PPP2R2B: variants seen among roughly 807,000 people sequenced by gnomAD.
The protein encoded by PPP2R2B is protein phosphatase 2 regulatory subunit Bbeta.
PPP2R2B carries 5 observed loss-of-function variants against 46.0 expected under a neutral mutation model. The observed-to-expected ratio is 0.11, with a 90% CI of 0.06 to 0.23. PPP2R2B has a LOEUF of 0.23. Among genes scored for constraint, PPP2R2B ranks in the 10% least tolerant of loss-of-function variants. The pLI, the probability that PPP2R2B is intolerant of heterozygous loss-of-function variation, is 1.00. For synonymous variants in PPP2R2B, 215 were observed against 206.7 expected (o/e 1.04, Z -0.34); for missense variants, 367 against 575.0 (o/e 0.64, Z 3.70).
intron 1 of PPP2R2B, among the ~76,000 whole-genome samples, chr5:146,988,792 C>CA (rs1295267517): frequency 1.3e-5 from 2 of 151,272 alleles, no homozygotes; most frequent in Non-Finnish European, 3.0e-5. Context: ...GAAATAGAGA[C>CA]AAAAAATTTA....
intron 2 of PPP2R2B, among the ~76,000 whole-genome samples, chr5:146,835,322 A>G (rs1759215063): frequency 1.3e-5 from 2 of 152,178 alleles, no homozygotes; most frequent in Admixed American, 1.3e-4. Flanking sequence ...ACATACTGAA[A>G]TTATGAAATA....
chr5:146,977,250 T>TG (rs1444351178), intron 1 of PPP2R2B, among the ~76,000 whole-genome samples: 10 of 152,096 alleles, frequency 6.6e-5, no homozygotes, highest in Non-Finnish European at 1.5e-4. Context: ...TTTTTAGAAT[T>TG]GCGATCTTGT....
chr5:146,824,678 T>C (rs1027929797), intron 2 of PPP2R2B, among the ~76,000 whole-genome samples: 2 of 152,080 alleles, frequency 1.3e-5, no homozygotes, highest in Admixed American at 1.3e-4. Flanking sequence ...ATGAAAACTC[T>C]TCATAATAAT....
At chr5:146,808,697 AGG>A (rs1554139495) in intron 2 of PPP2R2B, among the ~76,000 whole-genome samples, 1 of 112,182 alleles carries the variant, frequency 8.9e-6, no homozygotes, top group African/African-American at 3.6e-5. Context: ...CATTTCTATC[AGG>A]GGAAAGAAAG....
intron 2 of PPP2R2B, among the ~76,000 whole-genome samples, chr5:146,822,613 C>T (rs891685888): frequency 6.7e-6 from 1 of 150,356 alleles, no homozygotes; most frequent in Admixed American, 6.6e-5. Flanking sequence ...ACCACCCACT[C>T]TCTATATCCT....
intron 2 of PPP2R2B, among the ~76,000 whole-genome samples, chr5:146,756,824 A>G (rs977555988): frequency 4.6e-5 from 7 of 152,166 alleles, no homozygotes; most frequent in Non-Finnish European, 8.8e-5. Flanking sequence ...TTTAGGCTGG[A>G]TGGGTAACAA....
At chr5:147,014,164 T>G (rs1178623266) in intron 1 of PPP2R2B, among the ~76,000 whole-genome samples, 1 of 128,144 alleles carries the variant, frequency 7.8e-6, no homozygotes, top group African/African-American at 2.9e-5. Flanking sequence ...ATCAGAGAAA[T>G]GCAAATCAAA....
intron 2 of PPP2R2B, among the ~76,000 whole-genome samples, chr5:147,069,751 AT>A (rs1191949803): frequency 8.1e-6 from 1 of 123,086 alleles, no homozygotes; most frequent in Non-Finnish European, 1.7e-5. Context: ...CCATTCCCTC[AT>A]TTAGCCACTC....
intron 1 of PPP2R2B, among the ~76,000 whole-genome samples, chr5:146,906,354 C>G (rs191100802): frequency 3.5e-4 from 52 of 150,654 alleles, no homozygotes; most frequent in Admixed American, 1.5e-3. Flanking sequence ...CAGAGTTTCA[C>G]TCTTGTTGCC....
intron 7 of PPP2R2B, among the ~76,000 whole-genome samples, chr5:146,634,669 C>T (rs545740894): frequency 6.6e-6 from 1 of 151,992 alleles, no homozygotes; most frequent in Admixed American, 6.6e-5. Flanking sequence ...CCACCATCGG[C>T]TCTCCTGGGT....
chr5:147,026,035 T>C (rs549421826), intron 1 of PPP2R2B, among the ~76,000 whole-genome samples: 1 of 152,258 alleles, frequency 6.6e-6, no homozygotes, highest in South Asian at 2.1e-4. Context: ...CTGGTGAGAA[T>C]GTAAAATGGC....
intron 5 of PPP2R2B, among the ~76,000 whole-genome samples, chr5:146,660,231 G>T (rs1776592630): frequency 6.6e-6 from 1 of 152,166 alleles, no homozygotes; most frequent in Non-Finnish European, 1.5e-5. Context: ...TACAATGACT[G>T]TCAAATAAAA....
At chr5:146,633,918 C>G (rs1437557104) in intron 7 of PPP2R2B, among the ~76,000 whole-genome samples, 1 of 152,214 alleles carries the variant, frequency 6.6e-6, no homozygotes, top group Non-Finnish European at 1.5e-5. Flanking sequence ...CTACTTGTAC[C>G]AGCACATGCC....
chr5:147,006,159 A>C (rs1369957134), intron 1 of PPP2R2B, among the ~76,000 whole-genome samples: 1 of 152,228 alleles, frequency 6.6e-6, no homozygotes, highest in Non-Finnish European at 1.5e-5. Flanking sequence ...AATTAAGGGA[A>C]AAAGACGCAA....
upstream of PPP2R2B, among the ~76,000 whole-genome samples, chr5:146,880,486 T>C (rs988606919): frequency 1.3e-5 from 2 of 152,176 alleles, no homozygotes; most frequent in Non-Finnish European, 2.9e-5. Context: ...TGGCACAATT[T>C]GGAGTAGGAG....
intron 1 of PPP2R2B, among the ~76,000 whole-genome samples, chr5:147,054,926 A>C (rs555950390): frequency 6.6e-6 from 1 of 152,232 alleles, no homozygotes; most frequent in African/African-American, 2.4e-5. Context: ...TGACTATAGA[A>C]ATGTGGAATT....
chr5:146,979,534 C>A (rs892480075), intron 1 of PPP2R2B, among the ~76,000 whole-genome samples: 1 of 149,512 alleles, frequency 6.7e-6, no homozygotes, highest in Admixed American at 6.7e-5. Context: ...ACCAATGAAC[C>A]AATATTGAAT....
At chr5:146,751,024 C>G (rs1258318919) in intron 2 of PPP2R2B, among the ~76,000 whole-genome samples, 1 of 152,014 alleles carries the variant, frequency 6.6e-6, no homozygotes, top group Admixed American at 6.6e-5. Flanking sequence ...TGAACTCTGC[C>G]CTGGGAGGTC....
At chr5:146,846,067 T>C (rs1759985105) in intron 2 of PPP2R2B, among the ~76,000 whole-genome samples, 1 of 152,196 alleles carries the variant, frequency 6.6e-6, no homozygotes, top group Admixed American at 6.5e-5. Context: ...TTTTGATACA[T>C]TGGATTAAAA....
Sources: allele counts gnomAD v4.1 joint callset (sites outside exome capture counted in the v4.1 genomes callset), GRCh38; gene constraint gnomAD v4.1.1; transcripts MANE v1.5; gene names NCBI Gene and HGNC (gene_info 2026-07-23, HGNC 2026-07-21).